Variants in AMPD3 observed in about 807,000 individuals in gnomAD.
AMPD3 encodes adenosine monophosphate deaminase 3.
In AMPD3, 57 loss-of-function variants were observed where a neutral mutation model predicts 82.3. That is an observed-to-expected ratio of 0.69 (90% CI 0.56 to 0.86). The LOEUF is 0.86. Among genes scored for constraint, AMPD3 ranks in the 40% least tolerant of loss-of-function variants. The pLI is 0.00. For missense variants in AMPD3, 870 were observed against 1,003.8 expected, an observed-to-expected ratio of 0.87 and a Z score of 1.80; for synonymous variants, 381 against 394.7, an observed-to-expected ratio of 0.97 and a Z score of 0.41.
At chr11:10,462,144 G>C (rs1848289694) in intron 2 of AMPD3, among the ~76,000 whole-genome samples, 1 of 152,156 alleles carries the variant, frequency 6.6e-6, no homozygotes, top group African/African-American at 2.4e-5. Flanking sequence ...GAACAAGATA[G>C]ATAGAGTCCC....
At chr11:10,473,975 G>A (rs1848666460) in intron 2 of AMPD3, among the ~76,000 whole-genome samples, 1 of 152,182 alleles carries the variant, frequency 6.6e-6, no homozygotes, top group Non-Finnish European at 1.5e-5. Flanking sequence ...TGAGCTGAGT[G>A]TGCGTGGGGG....
intron 2 of AMPD3, among the ~76,000 whole-genome samples, chr11:10,474,082 G>T (rs906429648): frequency 1.4e-4 from 22 of 152,014 alleles, no homozygotes; most frequent in Admixed American, 1.4e-3. Context: ...GTCTCCTCTG[G>T]GGTCCCAAAA....
intron 2 of AMPD3, among the ~76,000 whole-genome samples, chr11:10,467,432 A>C (rs1298073902): frequency 6.6e-6 from 1 of 152,210 alleles, no homozygotes; most frequent in Non-Finnish European, 1.5e-5. Context: ...TTGAAGACCA[A>C]CTTAATGAAA....
chr11:10,487,104 G>A, intron 5 of AMPD3, 131 bp from the exon 6 acceptor site: 1 of 1,571,570 alleles, frequency 6.4e-7, no homozygotes, highest in Non-Finnish European at 8.7e-7. Context: ...TAGAAAGCCA[G>A]AACCTCCTCA....
At chr11:10,451,545 C>A (rs180905716), upstream of AMPD3, among the ~76,000 whole-genome samples, 3 of 152,226 alleles carry the variant, frequency 2.0e-5, no homozygotes, top group East Asian at 3.9e-4. Context: ...TGCCCTTGAT[C>A]TTCTGGTAGC....
At position 10,455,370 on chromosome 11, in the gene AMPD3, G is replaced by A; in HGVS notation, c.-84G>A. The stretch of plus-strand genomic sequence containing the variant: ...TGCTCCTGTGGGTCACTTGAGGCAG[G>A]CTCCACCTTCCCCAGGAGGAGTGGC... On this transcript the variant is annotated 5_prime_UTR_variant, in exon 1 of 15. Coordinates refer to ENST00000396553, the MANE Select transcript of AMPD3 (RefSeq NM_001025389.2). 3 of 985,406 alleles carry A rather than the reference G, an allele frequency of 3.0e-6. No homozygotes were observed. Among genetic ancestry groups the A allele is most frequent in the Non-Finnish European group, 3.6e-6 (3 of 829,978 alleles). 61.0% of individuals were successfully genotyped at this position (985,406 alleles called of 1,614,324 possible).
intron 10 of AMPD3, among the ~76,000 whole-genome samples, chr11:10,497,338 C>A (rs16907896): frequency 0.017 from 2,544 of 152,178 alleles, 48 homozygotes; most frequent in African/African-American, 0.047. Flanking sequence ...TGCTTTACCT[C>A]GCAACAGAGG....
chr11:10,469,294 TA>T (rs1216840391), intron 2 of AMPD3, among the ~76,000 whole-genome samples: 4 of 149,430 alleles, frequency 2.7e-5, no homozygotes, highest in Non-Finnish European at 4.5e-5. Flanking sequence ...ATAGACACAA[TA>T]AAAAATAATA....
intron 2 of AMPD3, among the ~76,000 whole-genome samples, chr11:10,462,258 T>A (rs1283186665): frequency 1.3e-5 from 2 of 152,072 alleles, no homozygotes; most frequent in Non-Finnish European, 2.9e-5. Flanking sequence ...CAGAAACCAA[T>A]GAAGTATTAG....
intron 7 of AMPD3, chr11:10,494,528 A>T (rs766600932): frequency 6.1e-6 from 6 of 985,052 alleles, no homozygotes; most frequent in Non-Finnish European, 6.0e-6. Context: ...CTTTTGTTAA[A>T]CAAAACATTG....
In AMPD3 at chr11:10,465,828, T is replaced by G. The variant is rs1025070533; in HGVS notation, c.221+4088T>G. Among the ~76,000 whole-genome samples, 5 of 151,478 alleles carry G rather than the reference T, an allele frequency of 3.3e-5. No individual in the cohort carries two copies. The East Asian group carries it at 9.7e-4, about 29-fold the overall frequency. ...TGAACTAGCTGCAGGAGTTTTTTTT[T>G]TTTTTTTTTTTTCTGTACCCCAGTG... is the stretch of plus-strand genomic sequence containing the variant. On this transcript the variant is annotated intron_variant, in intron 2 of 14. Transcript: ENST00000396553.
At chr11:10,496,678 T>A in intron 9 of AMPD3, 134 bp from the exon 10 acceptor site, 1 of 1,510,890 alleles carries the variant, frequency 6.6e-7, no homozygotes, top group Admixed American at 1.8e-5. Context: ...GGGATCTGTT[T>A]TCTGGTCCCA....
intron 2 of AMPD3, among the ~76,000 whole-genome samples, chr11:10,477,549 A>G (rs1311482284): frequency 6.6e-6 from 1 of 152,186 alleles, no homozygotes; most frequent in Non-Finnish European, 1.5e-5. Context: ...CAGCCTTGCA[A>G]ATAAGCATGG....
Position 10,493,529 on chromosome 11 carries a change from C to T in AMPD3, c.1120C>T (p.Leu374=). 2 of 1,614,054 alleles carry T rather than the reference C, an allele frequency of 1.2e-6. No individual in the cohort carries two copies. Among genetic ancestry groups the T allele is most frequent in the Non-Finnish European group, 1.7e-6 (2 of 1,179,962 alleles). Residue 374 remains leucine (L), a synonymous_variant, in exon 7 of 15, where the codon CTG becomes TTG. Transcript: ENST00000396553. ...MDPYDLTVDS[L]DVHAGRQTFH... ...CCCCTACGACCTCACTGTGGACTCA[C>T]TGGATGTCCACGCGGTGAGTGAGCT...
At chr11:10,495,484 C>A in intron 8 of AMPD3, 86 bp from the exon 9 acceptor site, 3 of 1,606,706 alleles carry the variant, frequency 1.9e-6, no homozygotes, top group Middle Eastern at 2.3e-4. Context: ...GCTGGGGGAG[C>A]AACAGGACCC....
intron 6 of AMPD3, among the ~76,000 whole-genome samples, chr11:10,492,738 C>A (rs1849273559): frequency 6.6e-6 from 1 of 152,110 alleles, no homozygotes; most frequent in Admixed American, 6.5e-5. Context: ...ACGGTCTGCA[C>A]AACAATGGGA....
chr11:10,464,371 C>G (rs1263608274), intron 2 of AMPD3, among the ~76,000 whole-genome samples: 1 of 152,190 alleles, frequency 6.6e-6, no homozygotes, highest in Non-Finnish European at 1.5e-5. Flanking sequence ...GTTGAATTTA[C>G]TTTCACAAAG....
chr11:10,454,901 C>T (rs1591433783), upstream of AMPD3, among the ~76,000 whole-genome samples: 3 of 152,262 alleles, frequency 2.0e-5, no homozygotes, highest in South Asian at 6.2e-4. Flanking sequence ...TTGCTTGTAG[C>T]CTGCTGGTTG....
chr11:10,469,950 G>T (rs1259331189), intron 2 of AMPD3, among the ~76,000 whole-genome samples: 1 of 150,488 alleles, frequency 6.6e-6, no homozygotes. Flanking sequence ...TGAGGCAGGA[G>T]AATGGCGTGA....
Sources: gnomAD v4.1 joint callset for allele counts (sites outside exome capture counted in the v4.1 genomes callset) on GRCh38, gnomAD v4.1.1 for gene constraint, MANE v1.5 for transcripts, NCBI Gene and HGNC (gene_info 2026-07-23, HGNC 2026-07-21) for gene names.